The following ZNF710 variants were observed in gnomAD, a reference collection of about 807,000 sequenced individuals.
ZNF710 encodes the protein zinc finger protein 710.
Under a neutral mutation model 50.6 loss-of-function variants are expected in ZNF710, and 13 were observed. That is an observed-to-expected ratio of 0.26 (90% CI 0.17 to 0.41). The LOEUF (loss-of-function observed/expected upper bound fraction) is 0.41, where lower values mean the gene tolerates loss of function less well. Ranked by LOEUF, ZNF710 falls within the 10% of genes least tolerant of loss-of-function variation. ZNF710 has a pLI of 1.00. For missense variants in ZNF710, 721 were observed against 936.6 expected, an observed-to-expected ratio of 0.77 and a Z score of 3.01; for synonymous variants, 383 against 397.0, an observed-to-expected ratio of 0.96 and a Z score of 0.42.
chr15:90,067,737 C>G lies in ZNF710; in HGVS notation c.600C>G (p.Pro200=). The G allele has an allele frequency of 6.2e-7, 1 of 1,600,926 alleles. No homozygotes were observed. The highest frequency in any genetic ancestry group is 8.5e-7 in the Non-Finnish European group (1 of 1,174,214). ...HFPAPARDGF[P]EPSMALPGPE... is the part of the protein sequence containing the mutation. ...CGGCCCCGGCCCGGGATGGCTTCCCCGAGCCCAGCATGGCGCTGCCTGGGC... is the reference window on the plus strand; with the variant it reads ...CGGCCCCGGCCCGGGATGGCTTCCCGGAGCCCAGCATGGCGCTGCCTGGGC... The change falls in exon 2 of 5, where the codon CCC becomes CCG. Residue 200 remains proline (P), a synonymous_variant. Transcript: ENST00000268154. The surrounding 1 kb of genome is among the most constrained non-coding windows in gnomAD (Gnocchi z 8.1).
chr15:90,027,077 A>C (rs1898801233), intron 1 of ZNF710, among the ~76,000 whole-genome samples: 2 of 152,242 alleles, frequency 1.3e-5, no homozygotes, highest in African/African-American at 4.8e-5. Context: ...AAAGTATTAA[A>C]TAACAGTAAG....
At chr15:90,047,491 G>T (rs1417535175) in intron 1 of ZNF710, among the ~76,000 whole-genome samples, 6 of 152,110 alleles carry the variant, frequency 3.9e-5, no homozygotes, top group African/African-American at 1.4e-4. Context: ...GTTTTTTAAA[G>T]TCCATTTCTA....
rs1900517053 is a variant in ZNF710, at chr15:90,074,379, G to T, written c.1825+89G>T. On this transcript the variant is annotated intron_variant, in intron 4 of 4. Transcript: ENST00000268154. ...CCTGCCCAGTTAGAGGAGTGGGGAG[G>T]CTGGCCAAGGCTGAGACTTCGTTGG... 14 of 1,581,930 alleles carry T rather than the reference G, an allele frequency of 8.8e-6. No homozygotes were observed. The East Asian group carries it at 3.2e-4, about 36-fold the overall frequency.
At chr15:90,008,573 A>T (rs1898216253) in intron 1 of ZNF710, among the ~76,000 whole-genome samples, 1 of 150,884 alleles carries the variant, frequency 6.6e-6, no homozygotes, top group East Asian at 1.9e-4. Context: ...GCTTGAGCCC[A>T]GGAGTTTGAG....
At chr15:90,013,680 C>T (rs1222103226) in intron 1 of ZNF710, among the ~76,000 whole-genome samples, 7 of 152,142 alleles carry the variant, frequency 4.6e-5, no homozygotes. Flanking sequence ...AAGATTACTT[C>T]CTTCCTGAAT....
chr15:90,038,614 G>T (rs1315380135), intron 1 of ZNF710, among the ~76,000 whole-genome samples: 1 of 151,872 alleles, frequency 6.6e-6, no homozygotes, highest in Non-Finnish European at 1.5e-5. Context: ...AAATGTTTTC[G>T]TATGGCTGTT....
upstream of ZNF710, among the ~76,000 whole-genome samples, chr15:90,000,343 C>T (rs1186044538): frequency 6.6e-6 from 1 of 152,120 alleles, no homozygotes; most frequent in Non-Finnish European, 1.5e-5. Context: ...AGGTTGGAGG[C>T]CTGGTGTCCG....
Position 90,059,220 on chromosome 15 carries a change from C to G in ZNF710, c.-28-7890C>G, listed in dbSNP as rs1189451719. 6.6e-6 allele frequency among the ~76,000 whole-genome samples: 1 copy of G among 152,240 alleles called. No individual in the cohort carries two copies. Among genetic ancestry groups the G allele is most frequent in the African/African-American group, 2.4e-5 (1 of 41,464 alleles). ...GGGCAGTCCTGGCAGGGGAATCAGC[C>G]TGTGCAGAGGCCCCAAGGTAGGAAA... On this transcript the variant is annotated intron_variant, in intron 1 of 4. Transcript: ENST00000268154. The surrounding 1 kb of genome is among the most constrained non-coding windows in gnomAD (Gnocchi z 4.1).
rs566684389 is a variant in ZNF710, at chr15:90,039,151, C to T, written c.-28-27959C>T. 1.9e-3 allele frequency among the ~76,000 whole-genome samples: 289 copies of T among 152,118 alleles called. 2 individuals carry two copies. Among genetic ancestry groups the T allele is most frequent in the Non-Finnish European group, 2.8e-3 (191 of 67,982 alleles). ...AAAATTAGCCAGGCGTGGTGGCAGG[C>T]GCCTGTAACCCCAGCTACTCGGGAG... On this transcript the variant is annotated intron_variant, in intron 1 of 4. Coordinates refer to ENST00000268154, the MANE Select transcript of ZNF710 (RefSeq NM_198526.4).
At position 90,004,491 on chromosome 15, in the gene ZNF710, C is replaced by T. The variant is rs551762255; in HGVS notation, c.-29+2877C>T. On this transcript the variant is annotated intron_variant, in intron 1 of 4. Transcript: ENST00000268154. ...TCAGGCCTAGCCAGGGCCTAGCCCG[C>T]GGCAGGACTCATTATGTTGAAATAA... 1.2e-4 allele frequency among the ~76,000 whole-genome samples: 18 copies of T among 152,300 alleles called. No individual in the cohort carries two copies. In the South Asian group the frequency reaches 3.7e-3, roughly 32 times the overall value.
intron 1 of ZNF710, among the ~76,000 whole-genome samples, chr15:90,052,227 C>T (rs1899668138): frequency 6.6e-6 from 1 of 151,964 alleles, no homozygotes; most frequent in Non-Finnish European, 1.5e-5. Context: ...AGACCTAGGG[C>T]CCCTTTCTTC....
intron 1 of ZNF710, among the ~76,000 whole-genome samples, chr15:90,047,875 C>T (rs1280492999): frequency 6.6e-6 from 1 of 152,210 alleles, no homozygotes; most frequent in Non-Finnish European, 1.5e-5. Context: ...GCATGAGCCA[C>T]TGCACCCAGC....
chr15:90,022,935 A>G (rs1898665861), intron 1 of ZNF710, among the ~76,000 whole-genome samples: 1 of 152,190 alleles, frequency 6.6e-6, no homozygotes, highest in East Asian at 1.9e-4. Context: ...ATGTTGCGGG[A>G]GTACATGACA....
chr15:90,072,838 C>T (rs1313340881), intron 2 of ZNF710, among the ~76,000 whole-genome samples: 1 of 152,210 alleles, frequency 6.6e-6, no homozygotes, highest in African/African-American at 2.4e-5. Context: ...TACAGTAAAG[C>T]ACAGCCTATT....
intron 1 of ZNF710, among the ~76,000 whole-genome samples, chr15:90,046,475 G>A (rs1450985433): frequency 6.6e-6 from 1 of 152,158 alleles, no homozygotes; most frequent in Non-Finnish European, 1.5e-5. Context: ...AAGAAGACTA[G>A]AGGAGGGTGG....
upstream of ZNF710, among the ~76,000 whole-genome samples, chr15:89,998,540 G>A (rs1897961809): frequency 1.3e-5 from 2 of 152,170 alleles, no homozygotes; most frequent in Admixed American, 6.5e-5. Context: ...CCCTCAGTCA[G>A]CTCATCATGT....
At chr15:90,008,465 T>TATATATATATATATATATATAC (rs1567218501) in intron 1 of ZNF710, among the ~76,000 whole-genome samples, 2 of 137,270 alleles carry the variant, frequency 1.5e-5, no homozygotes, top group African/African-American at 6.5e-5. Flanking sequence ...TATATATATA[T>TATATATATATATATATATATAC]ACATGAAGTA....
chr15:90,009,560 G>T (rs1236183245), intron 1 of ZNF710, among the ~76,000 whole-genome samples: 1 of 151,898 alleles, frequency 6.6e-6, no homozygotes, highest in Non-Finnish European at 1.5e-5. Flanking sequence ...CCACTTCCCT[G>T]GTCCATTCCC....
chr15:90,050,011 G>A (rs1456665466), intron 1 of ZNF710, among the ~76,000 whole-genome samples: 4 of 152,218 alleles, frequency 2.6e-5, no homozygotes, highest in Admixed American at 6.5e-5. Flanking sequence ...ATGGCTTTGC[G>A]CGCTGCTCCT....
Sources: allele counts gnomAD v4.1 joint callset (sites outside exome capture counted in the v4.1 genomes callset), GRCh38; gene constraint gnomAD v4.1.1; non-coding constraint Gnocchi (gnomAD v3.1); transcripts MANE v1.5; gene names NCBI Gene and HGNC (gene_info 2026-07-23, HGNC 2026-07-21).